The following LARP1B variants were observed in gnomAD, a reference collection of about 807,000 sequenced individuals.
The protein encoded by LARP1B is la-related protein 1B.
In LARP1B, 76 loss-of-function variants were observed where a neutral mutation model predicts 114.2. That is an observed-to-expected ratio of 0.67 (90% CI 0.55 to 0.81). The LOEUF (loss-of-function observed/expected upper bound fraction) is 0.81. Among genes scored for constraint, LARP1B ranks in the 30% least tolerant of loss-of-function variants. The pLI is 0.00. For missense variants in LARP1B, 1,014 were observed against 1,075.8 expected (o/e 0.94, Z 0.80); for synonymous variants, 345 against 348.0 (o/e 0.99, Z 0.10).
At chr4:128,203,693 G>A (rs1379799864) in intron 17 of LARP1B, among the ~76,000 whole-genome samples, 1 of 152,028 alleles carries the variant, frequency 6.6e-6, no homozygotes, top group Admixed American at 6.6e-5. Context: ...TTGTCATTAG[G>A]GAATTGTTAC....
downstream of LARP1B, among the ~76,000 whole-genome samples, chr4:128,216,480 A>T (rs986328750): frequency 7.1e-6 from 1 of 140,170 alleles, no homozygotes; most frequent in East Asian, 2.0e-4. Context: ...AGAACTCAGG[A>T]TTAAGAATCT....
At position 128,178,507 on chromosome 4, in the gene LARP1B, T is replaced by C; in HGVS notation, c.1761T>C (p.Pro587=). 6.2e-7 allele frequency: 1 copy of C among 1,614,038 alleles called. No homozygotes were observed. The highest frequency in any genetic ancestry group is 1.1e-5 in the South Asian group (1 of 91,084). ...CAGCAGCAATGGTTCATTCGTTGCC[T>C]ACAGCAGTTCCAGAATCTCCTAGAA... ...ITSAAMVHSL[P]TAVPESPRIH... is the part of the protein sequence containing the mutation. The change falls in exon 14 of 20, where the codon CCT becomes CCC. Residue 587 remains proline, a synonymous_variant. Transcript: ENST00000326639.
At chr4:128,151,134 C>G (rs1235534832) in intron 11 of LARP1B, among the ~76,000 whole-genome samples, 2 of 152,118 alleles carry the variant, frequency 1.3e-5, no homozygotes, top group East Asian at 3.8e-4. Context: ...AAACATCTTA[C>G]CATATTTCCT....
chr4:128,136,098 G>C (rs1415324488), intron 11 of LARP1B, among the ~76,000 whole-genome samples: 2 of 152,042 alleles, frequency 1.3e-5, no homozygotes, highest in Non-Finnish European at 2.9e-5. Context: ...TTCGAGACCA[G>C]CCTGGCCAAC....
chr4:128,208,399 G>T (rs1198009953), intron 19 of LARP1B, among the ~76,000 whole-genome samples: 1 of 151,962 alleles, frequency 6.6e-6, no homozygotes, highest in Non-Finnish European at 1.5e-5. Context: ...GGAAGGCTAG[G>T]TTCATCATCT....
At chr4:128,220,330 T>C in intron 6 of LARP1B, 2 of 899,660 alleles carry the variant, frequency 2.2e-6, no homozygotes. Context: ...TATGTAACTA[T>C]TATTTTTATT....
rs374612245 is a variant in LARP1B at position 128,066,945 on chromosome 4, G to A, written c.-78+5544G>A. Among the ~76,000 whole-genome samples, 21 of 151,210 alleles carry A rather than the reference G, an allele frequency of 1.4e-4. No individual in the cohort carries two copies. In the East Asian group the frequency reaches 2.5e-3, roughly 18 times the overall value. On this transcript the variant is annotated intron_variant, in intron 1 of 19. Coordinates refer to ENST00000326639, the MANE Select transcript of LARP1B (RefSeq NM_018078.4). ...CCTGAGTAGCTGGGACTACAGGCGC[G>A]CGCAACCATGGTTGCCCGGCTAATT... is the stretch of plus-strand genomic sequence containing the variant.
chr4:128,090,419 T>G (rs954346667), intron 5 of LARP1B, among the ~76,000 whole-genome samples: 1 of 152,214 alleles, frequency 6.6e-6, no homozygotes, highest in African/African-American at 2.4e-5. Context: ...CTGTATTTAT[T>G]GTCCACTTGC....
chr4:128,081,404 A>G (rs1237589072), intron 4 of LARP1B, among the ~76,000 whole-genome samples: 1 of 120,648 alleles, frequency 8.3e-6, no homozygotes, highest in Admixed American at 9.8e-5. Flanking sequence ...TTTTTGAGAT[A>G]TAGATATTGG....
chr4:128,073,593 T>TA (rs1561057261), intron 1 of LARP1B, among the ~76,000 whole-genome samples: 5 of 34,292 alleles, frequency 1.5e-4, no homozygotes, highest in Admixed American at 9.5e-4. Context: ...TTTTTTTTTT[T>TA]TTTTTTTTTT....
intron 11 of LARP1B, among the ~76,000 whole-genome samples, chr4:128,142,754 C>T (rs763572223): frequency 6.6e-6 from 1 of 151,876 alleles, no homozygotes; most frequent in Non-Finnish European, 1.5e-5. Context: ...GTGATCTGCC[C>T]GCCTTGGCCT....
chr4:128,179,288 C>A, intron 14 of LARP1B, 118 bp from the exon 15 acceptor site: 1 of 518,240 alleles, frequency 1.9e-6, no homozygotes, highest in African/African-American at 2.0e-5. Context: ...TATGATTTCA[C>A]AATGTGTTAT....
intron 11 of LARP1B, among the ~76,000 whole-genome samples, chr4:128,142,283 A>G (rs1728389708): frequency 6.6e-6 from 1 of 152,154 alleles, no homozygotes; most frequent in African/African-American, 2.4e-5. Flanking sequence ...GAGGTTGTAA[A>G]GAATTTGAAA....
At chr4:128,083,130 G>A (rs139531857) in intron 5 of LARP1B, among the ~76,000 whole-genome samples, 1 of 152,110 alleles carries the variant, frequency 6.6e-6, no homozygotes, top group Non-Finnish European at 1.5e-5. Flanking sequence ...CACAGGGTTG[G>A]GGGTAAGGTC....
At chr4:128,156,291 C>T (rs998444640) in intron 11 of LARP1B, 13 of 800,208 alleles carry the variant, frequency 1.6e-5, no homozygotes, top group East Asian at 4.9e-5. Flanking sequence ...TGGACAGTAT[C>T]CCATACCCAA....
chr4:128,205,920 C>A (rs1350182585), intron 17 of LARP1B, among the ~76,000 whole-genome samples: 3 of 152,130 alleles, frequency 2.0e-5, no homozygotes, highest in Non-Finnish European at 4.4e-5. Flanking sequence ...TCTCAGTATA[C>A]CTTCATGATG....
intron 15 of LARP1B, among the ~76,000 whole-genome samples, chr4:128,182,597 T>C (rs1748927262): frequency 6.6e-6 from 1 of 152,156 alleles, no homozygotes; most frequent in Admixed American, 6.5e-5. Context: ...CCCTGTACCC[T>C]GAGAGACAAA....
chr4:128,194,682 C>CAAAAA (rs56843140), intron 15 of LARP1B, among the ~76,000 whole-genome samples: 2 of 25,902 alleles, frequency 7.7e-5, no homozygotes, highest in African/African-American at 1.8e-4. Flanking sequence ...GACTCTGTCT[C>CAAAAA]AAAAAAAAAA....
chr4:128,222,320 T>C (rs57874891), intron 7 of LARP1B: 1 of 456,546 alleles, frequency 2.2e-6, no homozygotes, highest in African/African-American at 2.0e-5. Context: ...CTTTGTTTTT[T>C]AACAATTTTG....
Sources: allele counts gnomAD v4.1 joint callset (sites outside exome capture counted in the v4.1 genomes callset), GRCh38; gene constraint gnomAD v4.1.1; transcripts MANE v1.5; gene names NCBI Gene and HGNC (gene_info 2026-07-23, HGNC 2026-07-21).